Variants in GHR observed in about 807,000 individuals in gnomAD.
The protein encoded by GHR is growth hormone receptor, also known as GH receptor.
GHR carries 35 observed loss-of-function variants against 67.1 expected under a neutral mutation model. The ratio of observed to expected loss-of-function variants is 0.52; its 90% confidence interval spans 0.40 to 0.69. GHR has a LOEUF of 0.69. Among genes scored for constraint, GHR ranks in the 30% least tolerant of loss-of-function variants. The probability of loss-of-function intolerance (pLI) is 0.00; values close to 1 mark genes in which losing one functional copy is unlikely to be tolerated. For synonymous variants in GHR, 272 were observed against 269.1 expected, an observed-to-expected ratio of 1.01 and a Z score of -0.10; for missense variants, 792 against 764.6, an observed-to-expected ratio of 1.04 and a Z score of -0.42.
chr5:42,452,779 G>GAA (rs1453356060), intron 1 of GHR, among the ~76,000 whole-genome samples: 1 of 152,002 alleles, frequency 6.6e-6, no homozygotes, highest in African/African-American at 2.4e-5. Flanking sequence ...TTTCTCTGGA[G>GAA]AAAATTTCGT....
At chr5:42,648,622 C>G (rs1754862220) in intron 3 of GHR, among the ~76,000 whole-genome samples, 1 of 151,738 alleles carries the variant, frequency 6.6e-6, no homozygotes, top group South Asian at 2.1e-4. Context: ...TTCAGTTATC[C>G]TTGTCTTATC....
In GHR at chr5:42,718,743, T is replaced by G. The variant is rs765594772; in HGVS notation, c.1236T>G (p.Ala412=). Residue 412 remains alanine, a synonymous_variant, in exon 10 of 10, where the codon GCT becomes GCG. Transcript: ENST00000230882. ...TACATGAGGGTACCTCAGAGGTTGC[T>G]CAGCCACAGAGGTTAAAAGGGGAAG... ...NDIHEGTSEV[A]QPQRLKGEAD... 2 of 1,614,102 alleles carry G rather than the reference T, an allele frequency of 1.2e-6. No homozygotes were observed. The highest frequency in any genetic ancestry group is 1.7e-6 in the Non-Finnish European group (2 of 1,179,970).
intron 8 of GHR, among the ~76,000 whole-genome samples, chr5:42,714,585 C>T (rs1035372014): frequency 2.6e-5 from 4 of 152,056 alleles, no homozygotes; most frequent in Non-Finnish European, 4.4e-5. Context: ...TAACTGAATG[C>T]AGAAAGGGTT....
At chr5:42,476,454 C>G (rs1022196509) in intron 1 of GHR, among the ~76,000 whole-genome samples, 1 of 152,034 alleles carries the variant, frequency 6.6e-6, no homozygotes, top group Non-Finnish European at 1.5e-5. Context: ...CTCCTGACCT[C>G]GTGATGTGCC....
chr5:42,453,333 G>A (rs548367847), intron 1 of GHR, among the ~76,000 whole-genome samples: 1 of 152,256 alleles, frequency 6.6e-6, no homozygotes, highest in Admixed American at 6.5e-5. Context: ...TTTATTTACT[G>A]AGTTGATGAT....
At chr5:42,703,294 C>T (rs539396934) in intron 6 of GHR, among the ~76,000 whole-genome samples, 28 of 152,004 alleles carry the variant, frequency 1.8e-4, no homozygotes, top group Non-Finnish European at 3.8e-4. Flanking sequence ...ATTTTCCCAA[C>T]AACATTTAAA....
Position 42,711,331 on chromosome 5 carries a change from A to T in GHR, c.743A>T (p.Tyr248Phe). 1 of 1,613,322 alleles carries T rather than the reference A, an allele frequency of 6.2e-7. No homozygotes were observed. Among genetic ancestry groups the T allele is most frequent in the South Asian group, 1.1e-5 (1 of 91,070 alleles). Residue 248 changes from tyrosine to phenylalanine, a missense_variant, in exon 7 of 10, where the codon TAT becomes TTT. Physicochemically the swap from Tyr to Phe is conservative, Grantham distance 22 (BLOSUM62 3). Transcript: ENST00000230882. ...TATGGCGAGTTCAGTGAGGTGCTCT[A>T]TGTAACACTTCCTCAGATGAGCCAA... Reference protein sequence around the residue: ...GNYGEFSEVLYVTLPQMSQFT... With the variant: ...GNYGEFSEVLFVTLPQMSQFT...
chr5:42,490,572 A>G (rs1006942278), intron 1 of GHR, among the ~76,000 whole-genome samples: 2 of 152,202 alleles, frequency 1.3e-5, no homozygotes, highest in African/African-American at 4.8e-5. Flanking sequence ...GGCCCCCAGT[A>G]TCCTGCTTTA....
At chr5:42,675,952 ATTAT>A (rs938561889) in intron 3 of GHR, among the ~76,000 whole-genome samples, 8 of 152,196 alleles carry the variant, frequency 5.3e-5, no homozygotes, top group African/African-American at 1.9e-4. Flanking sequence ...CCAGCAATTC[ATTAT>A]TTAAAGTTTA....
chr5:42,569,659 T>C (rs957804726), intron 2 of GHR, among the ~76,000 whole-genome samples: 3 of 152,072 alleles, frequency 2.0e-5, no homozygotes, highest in Non-Finnish European at 2.9e-5. Context: ...CATGTAATAT[T>C]GATATATAAT....
intron 3 of GHR, among the ~76,000 whole-genome samples, chr5:42,640,591 C>A (rs939443903): frequency 6.6e-6 from 1 of 151,858 alleles, no homozygotes; most frequent in South Asian, 2.1e-4. Context: ...GTATATTTTT[C>A]TGGAAGGATA....
intron 1 of GHR, among the ~76,000 whole-genome samples, chr5:42,441,434 T>C (rs1361162167): frequency 6.6e-6 from 1 of 152,058 alleles, no homozygotes; most frequent in Non-Finnish European, 1.5e-5. Context: ...ACAATGAATA[T>C]AGATAACTCA....
intron 2 of GHR, among the ~76,000 whole-genome samples, chr5:42,591,480 AG>A (rs1232611633): frequency 6.6e-6 from 1 of 152,224 alleles, no homozygotes; most frequent in Non-Finnish European, 1.5e-5. Context: ...ATGGAAGGTG[AG>A]GAAGAAGAGC....
chr5:42,646,802 C>G (rs1304859243), intron 3 of GHR, among the ~76,000 whole-genome samples: 1 of 152,142 alleles, frequency 6.6e-6, no homozygotes, highest in Non-Finnish European at 1.5e-5. Flanking sequence ...CACCAGCATG[C>G]TAGCCTCCCA....
At chr5:42,446,961 A>ATTT (rs755877231) in intron 1 of GHR, among the ~76,000 whole-genome samples, 36 of 152,260 alleles carry the variant, frequency 2.4e-4, no homozygotes, top group Non-Finnish European at 4.9e-4. Flanking sequence ...AAATAAATAC[A>ATTT]TTGAGTTAGT....
At chr5:42,489,859 A>G (rs2940943) in intron 1 of GHR, among the ~76,000 whole-genome samples, 26,390 of 152,220 alleles carry the variant, frequency 0.17, 2,546 homozygotes, top group Middle Eastern at 0.27. Flanking sequence ...AGTGTTGGAT[A>G]TAGCCAGCTG....
chr5:42,607,573 A>G (rs1166933976), intron 2 of GHR, among the ~76,000 whole-genome samples: 1 of 152,246 alleles, frequency 6.6e-6, no homozygotes, highest in Non-Finnish European at 1.5e-5. Context: ...TAACAAGGCA[A>G]CATAATCAGT....
intron 7 of GHR, among the ~76,000 whole-genome samples, chr5:42,713,210 T>G (rs1010216409): frequency 2.6e-5 from 4 of 151,152 alleles, no homozygotes; most frequent in African/African-American, 9.7e-5. Flanking sequence ...TATTTTGAAG[T>G]TTTTTTTTAA....
At chr5:42,504,498 C>T (rs1263548045) in intron 1 of GHR, among the ~76,000 whole-genome samples, 4 of 152,136 alleles carry the variant, frequency 2.6e-5, no homozygotes, top group African/African-American at 7.2e-5. Context: ...CCGTGGCTCA[C>T]GCCTGTAATC....
Sources: allele counts gnomAD v4.1 joint callset (sites outside exome capture counted in the v4.1 genomes callset), GRCh38; gene constraint gnomAD v4.1.1; transcripts MANE v1.5; gene names NCBI Gene and HGNC (gene_info 2026-07-23, HGNC 2026-07-21).